STPG2: variants seen among roughly 807,000 people sequenced by gnomAD.
The protein encoded by STPG2 is sperm-tail PG-rich repeat-containing protein 2.
A neutral mutation model predicts 54.2 loss-of-function variants in STPG2; 56 were observed. The observed-to-expected ratio is 1.03, with a 90% confidence interval of 0.83 to 1.29. The LOEUF (loss-of-function observed/expected upper bound fraction) is 1.29. STPG2 is among the 50% of genes most tolerant of loss of function. The pLI is 0.00. For missense variants in STPG2, 596 were observed against 544.9 expected (o/e 1.09, Z -0.93); for synonymous variants, 200 against 181.8 (o/e 1.10, Z -0.81).
chr4:98,019,886 G>A (rs1174455503), intron 5 of STPG2, among the ~76,000 whole-genome samples: 1 of 120,686 alleles, frequency 8.3e-6, no homozygotes, highest in Non-Finnish European at 1.8e-5. Context: ...AGACTTTGCT[G>A]AAGTTGCTTA....
chr4:97,695,866 T>C lies in STPG2; in HGVS notation c.1320+16833A>G, dbSNP rs960572044. Among the ~76,000 whole-genome samples, 14 of 151,562 alleles carry C rather than the reference T, an allele frequency of 9.2e-5. 1 individual carries two copies. Among genetic ancestry groups the C allele is most frequent in the Admixed American group, 7.9e-4 (12 of 15,218 alleles). ...TGAAAGTAATGAAAGACATCACAAA[T>C]GGAAACACATTCCATGCCCATAGAT... On this transcript the variant is annotated intron_variant, in intron 10 of 10. Coordinates refer to ENST00000295268, the MANE Select transcript of STPG2 (RefSeq NM_174952.3).
intron 4 of STPG2, among the ~76,000 whole-genome samples, chr4:97,553,467 C>A (rs1418158843): frequency 1.3e-5 from 2 of 152,138 alleles, no homozygotes; most frequent in African/African-American, 4.8e-5. Context: ...AATGTAGGCT[C>A]TAAATTGTGA....
chr4:97,672,063 T>C (rs1722712388), intron 10 of STPG2, among the ~76,000 whole-genome samples: 1 of 152,008 alleles, frequency 6.6e-6, no homozygotes, highest in Admixed American at 6.6e-5. Context: ...TTTTCAATTA[T>C]TTTGATTGTC....
At chr4:97,789,252 G>A (rs1466262374) in intron 9 of STPG2, among the ~76,000 whole-genome samples, 1 of 151,716 alleles carries the variant, frequency 6.6e-6, no homozygotes, top group African/African-American at 2.4e-5. Flanking sequence ...TTTGATTATG[G>A]TATTCAAATA....
At chr4:97,764,773 A>G (rs1725989811) in intron 9 of STPG2, among the ~76,000 whole-genome samples, 2 of 152,126 alleles carry the variant, frequency 1.3e-5, no homozygotes, top group South Asian at 4.1e-4. Flanking sequence ...CACAAGAGAA[A>G]GAGTATGTTA....
intron 4 of STPG2, among the ~76,000 whole-genome samples, chr4:97,513,317 G>A (rs535928229): frequency 2.4e-4 from 36 of 152,142 alleles, no homozygotes; most frequent in African/African-American, 8.7e-4. Flanking sequence ...TCTAAATCCT[G>A]TCTTTTGGGG....
chr4:97,562,216 G>A (rs570136903), intron 10 of STPG2, among the ~76,000 whole-genome samples: 33 of 152,264 alleles, frequency 2.2e-4, no homozygotes, highest in Admixed American at 2.0e-3. Context: ...GTGAATGGGA[G>A]TTCACTCATG....
chr4:97,968,768 T>C (rs943794098), intron 7 of STPG2, among the ~76,000 whole-genome samples: 1 of 152,122 alleles, frequency 6.6e-6, no homozygotes, highest in Non-Finnish European at 1.5e-5. Flanking sequence ...CCTGAAACTA[T>C]TGCTATGGAA....
intron 9 of STPG2, among the ~76,000 whole-genome samples, chr4:97,722,204 T>A (rs1203411004): frequency 6.6e-6 from 1 of 152,038 alleles, no homozygotes; most frequent in East Asian, 1.9e-4. Context: ...TGTGTATAAA[T>A]GAGACATAAA....
chr4:97,499,951 T>C (rs911338772), intron 4 of STPG2, among the ~76,000 whole-genome samples: 15 of 152,002 alleles, frequency 9.9e-5, no homozygotes, highest in Non-Finnish European at 1.6e-4. Flanking sequence ...CATATCATTG[T>C]TGAGTATTTT....
chr4:97,520,866 A>G (rs1321377505), intron 4 of STPG2, among the ~76,000 whole-genome samples: 1 of 152,098 alleles, frequency 6.6e-6, no homozygotes, highest in Non-Finnish European at 1.5e-5. Flanking sequence ...GTATTTTCAA[A>G]TAACAGAGTT....
intron 4 of STPG2, among the ~76,000 whole-genome samples, chr4:97,503,134 T>A (rs1177277013): frequency 6.6e-6 from 1 of 152,022 alleles, no homozygotes; most frequent in Non-Finnish European, 1.5e-5. Flanking sequence ...TTCAGGATGA[T>A]TAATGGGATC....
chr4:98,023,728 C>T (rs548475567), intron 5 of STPG2, among the ~76,000 whole-genome samples: 1 of 152,276 alleles, frequency 6.6e-6, no homozygotes, highest in African/African-American at 2.4e-5. Flanking sequence ...CAAGCCTGGG[C>T]AATGGCGGGC....
chr4:97,781,084 A>G (rs1726590410), intron 9 of STPG2, among the ~76,000 whole-genome samples: 2 of 152,178 alleles, frequency 1.3e-5, no homozygotes, highest in Admixed American at 6.5e-5. Context: ...CTAAGATCAG[A>G]GAAGAACTGA....
intron 8 of STPG2, among the ~76,000 whole-genome samples, chr4:97,933,438 C>T (rs1429432896): frequency 6.6e-6 from 1 of 152,036 alleles, no homozygotes; most frequent in Non-Finnish European, 1.5e-5. Context: ...AATCTTTGCC[C>T]AAGCCTATGT....
chr4:97,865,165 A>G (rs537988102), intron 8 of STPG2, among the ~76,000 whole-genome samples: 10 of 151,996 alleles, frequency 6.6e-5, no homozygotes, highest in Non-Finnish European at 1.5e-4. Flanking sequence ...AACCTACAGA[A>G]TGGGAGAAAA....
chr4:98,053,087 T>C (rs1352449590), intron 5 of STPG2, among the ~76,000 whole-genome samples: 1 of 152,192 alleles, frequency 6.6e-6, no homozygotes, highest in East Asian at 1.9e-4. Context: ...GTTGGTTAGT[T>C]TTCCTGACAG....
chr4:97,875,571 G>A (rs1378296477), intron 8 of STPG2, among the ~76,000 whole-genome samples: 1 of 151,796 alleles, frequency 6.6e-6, no homozygotes, highest in African/African-American at 2.4e-5. Context: ...TCCACTTTTG[G>A]ATGAAATTCT....
intron 8 of STPG2, among the ~76,000 whole-genome samples, chr4:97,918,718 G>A (rs890743836): frequency 1.3e-5 from 2 of 152,016 alleles, no homozygotes; most frequent in African/African-American, 4.8e-5. Flanking sequence ...CTCAGGAATG[G>A]AAAACCAAAC....
Sources: gnomAD v4.1 joint callset for allele counts (sites outside exome capture counted in the v4.1 genomes callset) on GRCh38, gnomAD v4.1.1 for gene constraint, MANE v1.5 for transcripts, NCBI Gene and HGNC (gene_info 2026-07-23, HGNC 2026-07-21) for gene names.